Variants in SGCZ observed in about 807,000 individuals in gnomAD.
SGCZ encodes sarcoglycan zeta.
In SGCZ, 40 loss-of-function variants were observed where a neutral mutation model predicts 41.3. The ratio of observed to expected loss-of-function variants is 0.97; its 90% confidence interval spans 0.75 to 1.26. The LOEUF is 1.26. Among genes scored for constraint, SGCZ ranks in the 50% most tolerant of loss-of-function variants. The pLI, the probability that SGCZ is intolerant of heterozygous loss-of-function variation, is 0.00. For synonymous variants in SGCZ, 206 were observed against 137.5 expected (o/e 1.50, Z -3.49); for missense variants, 552 against 369.8 (o/e 1.49, Z -4.04).
intron 1 of SGCZ, among the ~76,000 whole-genome samples, chr8:14,806,212 G>T (rs1012836857): frequency 5.3e-5 from 8 of 151,600 alleles, no homozygotes; most frequent in African/African-American, 1.7e-4. Flanking sequence ...CTAGCAGAAG[G>T]CAAGAAATAA....
Position 15,098,608 on chromosome 8 carries a change from C to T in SGCZ, c.39+138977G>A, listed in dbSNP as rs114865231. ...CAGTTTCACCTTTATAAATGCTTTA[C>T]TTGTTTTGAGGTTTCCAAGAGTACC... On this transcript the variant is annotated intron_variant, in intron 1 of 7. Transcript: ENST00000382080. Among the ~76,000 whole-genome samples the T allele has an allele frequency of 3.0e-3, 457 of 152,272 alleles. 1 individual carries two copies. The highest frequency in any genetic ancestry group is 0.01 in the African/African-American group (435 of 41,550).
chr8:14,779,716 A>G (rs940474384), intron 1 of SGCZ, among the ~76,000 whole-genome samples: 3 of 152,240 alleles, frequency 2.0e-5, no homozygotes, highest in African/African-American at 7.2e-5. Flanking sequence ...ATACAAAACT[A>G]AAGATAGGGT....
intron 1 of SGCZ, among the ~76,000 whole-genome samples, chr8:14,825,568 A>G (rs1802275531): frequency 6.6e-6 from 1 of 152,234 alleles, no homozygotes; most frequent in African/African-American, 2.4e-5. Flanking sequence ...TGATGATTTT[A>G]TACATGTATA....
intron 1 of SGCZ, among the ~76,000 whole-genome samples, chr8:14,633,183 A>G (rs1806715319): frequency 6.6e-6 from 1 of 151,986 alleles, no homozygotes; most frequent in African/African-American, 2.4e-5. Flanking sequence ...AACATTTGCT[A>G]CCTGCATAAT....
intron 1 of SGCZ, among the ~76,000 whole-genome samples, chr8:15,194,706 G>A (rs1800664426): frequency 1.3e-5 from 2 of 152,096 alleles, no homozygotes; most frequent in African/African-American, 4.8e-5. Flanking sequence ...AGATGGAGGA[G>A]GACCATAAGC....
intron 1 of SGCZ, among the ~76,000 whole-genome samples, chr8:14,994,855 G>A (rs946104860): frequency 2.6e-5 from 4 of 152,026 alleles, no homozygotes; most frequent in Non-Finnish European, 1.5e-5. Flanking sequence ...AAAATACTAG[G>A]CATATTGTGT....
intron 1 of SGCZ, among the ~76,000 whole-genome samples, chr8:14,827,023 G>A (rs1802350892): frequency 6.6e-6 from 1 of 151,968 alleles, no homozygotes; most frequent in African/African-American, 2.4e-5. Context: ...CCTATGTCCT[G>A]AATGGTATTG....
At position 14,702,964 on chromosome 8, in the gene SGCZ, G is replaced by GATAGATAGATAGATAGATAT. The variant is rs1554483941; in HGVS notation, c.40-148039_40-148038insATATCTATCTATCTATCTAT. 1.3e-4 allele frequency among the ~76,000 whole-genome samples: 18 copies of GATAGATAGATAGATAGATAT among 140,996 alleles called. 1 individual carries two copies. Among genetic ancestry groups the GATAGATAGATAGATAGATAT allele is most frequent in the South Asian group, 1.2e-3 (5 of 4,234 alleles). 92.5% of individuals were successfully genotyped at this position (140,996 alleles called of 152,430 possible). A position where few individuals can be genotyped will look rare whatever the true frequency, so the allele number is the denominator to read the frequency against. On this transcript the variant is annotated intron_variant, in intron 1 of 7. Transcript: ENST00000382080. ...AGATAGATAGATAGATAGATAGATA[G>GATAGATAGATAGATAGATAT]ATAGATAGACAGACAGACAGACAGA...
chr8:14,112,023 T>C (rs1585144706), intron 5 of SGCZ, among the ~76,000 whole-genome samples: 1 of 152,102 alleles, frequency 6.6e-6, no homozygotes, highest in African/African-American at 2.4e-5. Flanking sequence ...TATTCACCGA[T>C]TGACATCCAT....
intron 1 of SGCZ, among the ~76,000 whole-genome samples, chr8:14,664,238 AG>A (rs1364632131): frequency 6.6e-6 from 1 of 152,164 alleles, no homozygotes; most frequent in African/African-American, 2.4e-5. Context: ...AGCACACAAA[AG>A]GCTGACTCAA....
rs535852077 is a variant in SGCZ, at chr8:14,602,077, G to A, written c.40-47151C>T. 6.2e-3 allele frequency among the ~76,000 whole-genome samples: 939 copies of A among 152,060 alleles called. 8 individuals are homozygous for A. The highest frequency in any genetic ancestry group is 7.7e-3 in the Non-Finnish European group (523 of 67,978). ...GGAGCTTGCAGTGAGCCGAGATTGC[G>A]CCACTGCACTCCAGCCTGGGCGACA... On this transcript the variant is annotated intron_variant, in intron 1 of 7. Coordinates refer to ENST00000382080, the MANE Select transcript of SGCZ (RefSeq NM_139167.4).
chr8:14,809,513 A>G (rs1037742577), intron 1 of SGCZ, among the ~76,000 whole-genome samples: 5 of 152,152 alleles, frequency 3.3e-5, no homozygotes, highest in Admixed American at 6.6e-5. Context: ...GGTAATAAAA[A>G]TTACCAATTC....
chr8:14,959,187 A>G (rs1214862871), intron 1 of SGCZ, among the ~76,000 whole-genome samples: 1 of 152,136 alleles, frequency 6.6e-6, no homozygotes, highest in East Asian at 1.9e-4. Context: ...GGTCTGACAG[A>G]TATCAGAAGT....
chr8:14,798,395 G>A (rs767769798), intron 1 of SGCZ, among the ~76,000 whole-genome samples: 7 of 151,964 alleles, frequency 4.6e-5, no homozygotes, highest in Non-Finnish European at 1.0e-4. Flanking sequence ...TTACTTACAG[G>A]CTTTAATTTT....
At chr8:15,181,768 C>G (rs1392314764) in intron 1 of SGCZ, among the ~76,000 whole-genome samples, 3 of 152,086 alleles carry the variant, frequency 2.0e-5, no homozygotes, top group Non-Finnish European at 2.9e-5. Context: ...GTGTTTCTGT[C>G]TGTATAATTC....
intron 3 of SGCZ, among the ~76,000 whole-genome samples, chr8:14,290,689 G>C (rs1800810334): frequency 1.3e-5 from 2 of 151,732 alleles, no homozygotes; most frequent in Admixed American, 6.6e-5. Flanking sequence ...AAGACACCCA[G>C]TGTCAATAAG....
chr8:14,471,575 T>C (rs1801214090), intron 2 of SGCZ, among the ~76,000 whole-genome samples: 2 of 152,110 alleles, frequency 1.3e-5, no homozygotes, highest in South Asian at 4.1e-4. Flanking sequence ...AGGATTCCTT[T>C]TGCTAAGAAA....
chr8:14,573,898 G>A (rs986469708), intron 1 of SGCZ, among the ~76,000 whole-genome samples: 2 of 152,094 alleles, frequency 1.3e-5, no homozygotes, highest in Admixed American at 1.3e-4. Flanking sequence ...CTGAGAAGGT[G>A]AGTTCCTTTA....
intron 1 of SGCZ, among the ~76,000 whole-genome samples, chr8:14,761,919 C>A (rs946157886): frequency 5.3e-5 from 8 of 152,102 alleles, no homozygotes; most frequent in Non-Finnish European, 1.2e-4. Flanking sequence ...AGGAAACCAC[C>A]TTTCCAAGTG....
Sources: allele counts gnomAD v4.1 joint callset (sites outside exome capture counted in the v4.1 genomes callset), GRCh38; gene constraint gnomAD v4.1.1; transcripts MANE v1.5; gene names NCBI Gene and HGNC (gene_info 2026-07-23, HGNC 2026-07-21).